Variants in TMEM132D observed in about 807,000 individuals in gnomAD.
TMEM132D encodes the protein mature OL transmembrane protein.
In TMEM132D, 21 loss-of-function variants were observed where a neutral mutation model predicts 62.3. That is an observed-to-expected ratio of 0.34 (90% CI 0.24 to 0.49). The LOEUF is 0.49. Among genes scored for constraint, TMEM132D ranks in the 20% least tolerant of loss-of-function variants. The pLI is 0.99. For missense variants in TMEM132D, 1,346 were observed against 1,402.8 expected (o/e 0.96, Z 0.65); for synonymous variants, 621 against 575.6 (o/e 1.08, Z -1.13).
intron 3 of TMEM132D, among the ~76,000 whole-genome samples, chr12:129,445,746 C>T (rs1873077396): frequency 6.6e-6 from 1 of 152,112 alleles, no homozygotes; most frequent in African/African-American, 2.4e-5. Context: ...CACCCATAGT[C>T]ACAGTTCACA....
At chr12:129,639,966 G>T (rs1879599497) in intron 2 of TMEM132D, among the ~76,000 whole-genome samples, 1 of 152,128 alleles carries the variant, frequency 6.6e-6, no homozygotes, top group African/African-American at 2.4e-5. Flanking sequence ...ATGTAAGACT[G>T]CTATGTATCA....
intron 4 of TMEM132D, among the ~76,000 whole-genome samples, chr12:129,319,294 C>T (rs1967570): frequency 0.23 from 35,691 of 152,036 alleles, 4,474 homozygotes; most frequent in Non-Finnish European, 0.27. Flanking sequence ...GCTTCCTCTA[C>T]CCCTGTATTT....
chr12:129,381,339 G>A (rs1003510515), intron 3 of TMEM132D, among the ~76,000 whole-genome samples: 1 of 152,154 alleles, frequency 6.6e-6, no homozygotes, highest in Admixed American at 6.5e-5. Flanking sequence ...GGGAGATTAG[G>A]CTCTGAATGA....
At chr12:129,812,465 G>A (rs1192111650) in intron 1 of TMEM132D, among the ~76,000 whole-genome samples, 1 of 151,702 alleles carries the variant, frequency 6.6e-6, no homozygotes, top group African/African-American at 2.4e-5. Context: ...CTCTGCCATT[G>A]TTCCATCATC....
chr12:129,899,178 T>C (rs1254800579), intron 1 of TMEM132D, among the ~76,000 whole-genome samples: 1 of 133,032 alleles, frequency 7.5e-6, no homozygotes, highest in Non-Finnish European at 1.6e-5. Flanking sequence ...GATGGGTGGA[T>C]AGAAGGATGG....
chr12:129,902,058 C>G, intron 1 of TMEM132D, among the ~76,000 whole-genome samples: 1 of 152,180 alleles, frequency 6.6e-6, no homozygotes, highest in Non-Finnish European at 1.5e-5. Flanking sequence ...CCCATTTCAA[C>G]CACACTTCAA....
intron 2 of TMEM132D, among the ~76,000 whole-genome samples, chr12:129,637,061 C>G (rs1879502609): frequency 6.6e-6 from 1 of 152,160 alleles, no homozygotes; most frequent in Admixed American, 6.5e-5. Context: ...TGCTAAATTT[C>G]CAGTCAAAGA....
chr12:129,304,635 AC>A, intron 4 of TMEM132D, among the ~76,000 whole-genome samples: 1 of 131,276 alleles, frequency 7.6e-6, no homozygotes, highest in East Asian at 2.2e-4. Context: ...CCCCTGCCAC[AC>A]CCCTAAATAC....
chr12:129,199,759 C>G (rs1047044845), intron 5 of TMEM132D, among the ~76,000 whole-genome samples: 2 of 152,086 alleles, frequency 1.3e-5, no homozygotes, highest in African/African-American at 4.8e-5. Context: ...GGGAACTGCC[C>G]TTTATAAAAC....
chr12:129,316,542 T>C (rs1868492832), intron 4 of TMEM132D, among the ~76,000 whole-genome samples: 1 of 152,198 alleles, frequency 6.6e-6, no homozygotes, highest in Admixed American at 6.5e-5. Context: ...CTTAAATTTA[T>C]TGAGGCTCAT....
chr12:129,557,379 C>T (rs1010064910), intron 2 of TMEM132D, among the ~76,000 whole-genome samples: 2 of 151,928 alleles, frequency 1.3e-5, no homozygotes, highest in African/African-American at 2.4e-5. Flanking sequence ...AATGAGGAGA[C>T]GTGTTTAAGG....
intron 1 of TMEM132D, among the ~76,000 whole-genome samples, chr12:129,743,522 C>G (rs1405103312): frequency 4.6e-5 from 7 of 152,196 alleles, no homozygotes. Flanking sequence ...CCCAGCCATG[C>G]TGAACTGAGT....
rs765184726 is a variant in TMEM132D at position 129,337,621 on chromosome 12, G to A, written c.1299+13C>T. ...GAGTTCAGTTCTAACAGCCCAGGGC[G>A]GGGCTTGCTTACCATAGCCAGCGGC... On this transcript the variant is annotated intron_variant, in intron 4 of 8. Transcript: ENST00000422113. The A allele has an allele frequency of 1.9e-6, 3 of 1,613,466 alleles. No homozygotes were observed. Among genetic ancestry groups the A allele is most frequent in the South Asian group, 2.2e-5 (2 of 90,900 alleles).
intron 4 of TMEM132D, among the ~76,000 whole-genome samples, chr12:129,239,280 C>T (rs1161181109): frequency 6.6e-6 from 1 of 152,154 alleles, no homozygotes; most frequent in Non-Finnish European, 1.5e-5. Context: ...GAAATCCTTG[C>T]CAAATCCAAT....
chr12:129,831,128 C>A (rs1379250881), intron 1 of TMEM132D, among the ~76,000 whole-genome samples: 1 of 152,254 alleles, frequency 6.6e-6, no homozygotes, highest in South Asian at 2.1e-4. Context: ...TTATTTCTGA[C>A]CCCCTGGGTC....
At chr12:129,824,089 T>G (rs1872600273) in intron 1 of TMEM132D, among the ~76,000 whole-genome samples, 1 of 152,052 alleles carries the variant, frequency 6.6e-6, no homozygotes, top group Non-Finnish European at 1.5e-5. Context: ...GAGCGCGGTG[T>G]CCAAGGTCAC....
At chr12:129,814,253 C>G (rs1419770271) in intron 1 of TMEM132D, among the ~76,000 whole-genome samples, 1 of 152,158 alleles carries the variant, frequency 6.6e-6, no homozygotes, top group East Asian at 1.9e-4. Flanking sequence ...GGTATCACCA[C>G]TGAACTGTAC....
intron 1 of TMEM132D, among the ~76,000 whole-genome samples, chr12:129,818,195 T>C (rs1227694866): frequency 7.0e-6 from 1 of 143,514 alleles, no homozygotes; most frequent in Non-Finnish European, 1.5e-5. Flanking sequence ...GTGTGGGGGC[T>C]GTGTGTGCCT....
rs1243780936 is a variant in TMEM132D at position 129,277,527 on chromosome 12, G to T, written c.1299+60107C>A. On this transcript the variant is annotated intron_variant, in intron 4 of 8. Coordinates refer to ENST00000422113, the MANE Select transcript of TMEM132D (RefSeq NM_133448.3). This position sits in a 1 kb window ranked among gnomAD's most constrained non-coding sequence, Gnocchi z 4.2. ...CATTGCTGCTATCAGGAATTTGAAA[G>T]AATTATTAAAAATGATTTGATGTAG... Among the ~76,000 whole-genome samples the T allele has an allele frequency of 1.3e-5, 2 of 152,154 alleles. No homozygotes were observed. The highest frequency in any genetic ancestry group is 2.9e-5 in the Non-Finnish European group (2 of 68,018).
Sources: allele counts gnomAD v4.1 joint callset (sites outside exome capture counted in the v4.1 genomes callset), GRCh38; gene constraint gnomAD v4.1.1; non-coding constraint Gnocchi (gnomAD v3.1); transcripts MANE v1.5; gene names NCBI Gene and HGNC (gene_info 2026-07-23, HGNC 2026-07-21).